The following STAM variants were observed in gnomAD, a reference collection of about 807,000 sequenced individuals.
STAM encodes the protein signal transducing adapter molecule 1.
A neutral mutation model predicts 63.4 loss-of-function variants in STAM; 16 were observed. The observed-to-expected ratio is 0.25, with a 90% CI of 0.17 to 0.38. The LOEUF (loss-of-function observed/expected upper bound fraction) is 0.38. Ranked by LOEUF, STAM falls within the 10% of genes least tolerant of loss-of-function variation. STAM has a pLI of 1.00. For synonymous variants in STAM, 238 were observed against 223.9 expected (o/e 1.06, Z -0.56); for missense variants, 636 against 657.1 (o/e 0.97, Z 0.35).
chr10:17,705,833 C>T (rs1389022642), intron 12 of STAM, 92 bp downstream of exon 12: 1 of 1,259,368 alleles, frequency 7.9e-7, no homozygotes, highest in Non-Finnish European at 1.1e-6. Context: ...TTTGGGAGGC[C>T]AAGGCAAGAG....
chr10:17,653,591 G>A (rs1488026994), intron 1 of STAM, among the ~76,000 whole-genome samples: 2 of 152,058 alleles, frequency 1.3e-5, no homozygotes, highest in African/African-American at 4.8e-5. Flanking sequence ...AAACAACAGT[G>A]GATCAAAACT....
intron 8 of STAM, among the ~76,000 whole-genome samples, chr10:17,699,044 C>T (rs1217699258): frequency 7.2e-5 from 11 of 152,038 alleles, no homozygotes; most frequent in Non-Finnish European, 1.2e-4. Context: ...GCACACAACA[C>T]GGAGTACCCA....
At position 17,659,567 on chromosome 10, in the gene STAM, C is replaced by A. The variant is rs568573933; in HGVS notation, c.41-897C>A. 5.5e-5 allele frequency among the ~76,000 whole-genome samples: 8 copies of A among 146,004 alleles called. No individual in the cohort carries two copies. In the South Asian group the frequency reaches 1.5e-3, roughly 28 times the overall value. ...AACTTCAGCCTCAACCTCTTGGGCT[C>A]AAGTGATCCTCCCACTTCAGCCTTC... On this transcript the variant is annotated intron_variant, in intron 1 of 13. Transcript: ENST00000377524.
chr10:17,700,109 A>G, intron 8 of STAM, 82 bp from the exon 9 acceptor site: 3 of 1,179,700 alleles, frequency 2.5e-6, no homozygotes, highest in African/African-American at 1.6e-5. Flanking sequence ...AAAATCCCCA[A>G]ATCTCTCTTG....
chr10:17,683,228 A>G (rs1554825656), intron 2 of STAM, among the ~76,000 whole-genome samples: 1 of 152,114 alleles, frequency 6.6e-6, no homozygotes, highest in Non-Finnish European at 1.5e-5. Context: ...CGGTGGTGCC[A>G]TCACAGCTCA....
chr10:17,686,046 T>C (rs545388049), intron 4 of STAM, among the ~76,000 whole-genome samples: 2 of 152,342 alleles, frequency 1.3e-5, no homozygotes, highest in East Asian at 3.9e-4. Flanking sequence ...TATAGAAATA[T>C]AGTAAGAATG....
chr10:17,688,030 C>G lies in STAM; in HGVS notation c.301C>G (p.His101Asp). The change falls in exon 5 of 14, where the codon CAT becomes GAT. Residue 101 changes from histidine to aspartate, a missense_variant. Around this residue, in one of 3 missense-constraint regions of STAM, gnomAD observed 532 missense variants for 536.9 expected, o/e 0.99. Coordinates refer to ENST00000377524, the MANE Select transcript of STAM (RefSeq NM_003473.4). ...TATTTCTTTTTCTATTTTACAGGGT[C>G]ATCCTAAAGTATGTGAAAAATTAAA... ...SEVSNVLNKG[H>D]PKVCEKLKAL... is the part of the protein sequence containing the mutation. The G allele has an allele frequency of 6.4e-7, 1 of 1,571,470 alleles. No individual in the cohort carries two copies. The highest frequency in any genetic ancestry group is 8.6e-7 in the Non-Finnish European group (1 of 1,163,054).
intron 6 of STAM, among the ~76,000 whole-genome samples, chr10:17,693,640 C>G (rs1286117573): frequency 3.3e-5 from 5 of 152,176 alleles, no homozygotes; most frequent in Admixed American, 3.3e-4. Flanking sequence ...TGTTTGAGAT[C>G]TATTCGTGTG....
intron 1 of STAM, among the ~76,000 whole-genome samples, chr10:17,655,061 G>T (rs1324431173): frequency 6.6e-6 from 1 of 151,824 alleles, no homozygotes; most frequent in Non-Finnish European, 1.5e-5. Context: ...TAAATACATC[G>T]GGAAGCCCTT....
At chr10:17,699,121 A>G (rs1281361050) in intron 8 of STAM, among the ~76,000 whole-genome samples, 1 of 152,224 alleles carries the variant, frequency 6.6e-6, no homozygotes, top group Non-Finnish European at 1.5e-5. Flanking sequence ...AGTATGGGCT[A>G]GTAGAGCAAG....
At chr10:17,696,506 C>T (rs1364318337) in intron 7 of STAM, 3 of 321,148 alleles carry the variant, frequency 9.3e-6, no homozygotes, top group African/African-American at 2.1e-5. Flanking sequence ...ACAATTTTTT[C>T]GTATTGGTGC....
chr10:17,687,674 G>T (rs1336434431), intron 4 of STAM, among the ~76,000 whole-genome samples: 1 of 152,148 alleles, frequency 6.6e-6, no homozygotes, highest in African/African-American at 2.4e-5. Flanking sequence ...TAAAGGAACT[G>T]TATCATTTAT....
intron 1 of STAM, among the ~76,000 whole-genome samples, chr10:17,648,210 C>T (rs1184345187): frequency 3.9e-5 from 6 of 152,168 alleles, no homozygotes; most frequent in South Asian, 2.1e-4. Flanking sequence ...GAGAACTTTT[C>T]GGTCTTACAA....
chr10:17,708,732 T>C (rs1479267272), intron 12 of STAM, 44 bp from the exon 13 acceptor site: 1 of 1,536,890 alleles, frequency 6.5e-7, no homozygotes, highest in East Asian at 2.3e-5. Context: ...AGTATGCTTA[T>C]TAAAATTTTA....
chr10:17,690,711 T>A (rs1835493360), intron 5 of STAM, among the ~76,000 whole-genome samples: 1 of 152,192 alleles, frequency 6.6e-6, no homozygotes, highest in Admixed American at 6.5e-5. Context: ...CTAAGTATAT[T>A]TTTTTCATCT....
rs1408099400 is a variant in STAM, at chr10:17,689,960, A to G, written c.444+1787A>G. Among the ~76,000 whole-genome samples the G allele has an allele frequency of 3.3e-5, 5 of 152,234 alleles. No individual in the cohort carries two copies. In the East Asian group the frequency reaches 9.6e-4, roughly 29 times the overall value. On this transcript the variant is annotated intron_variant, in intron 5 of 13. Transcript: ENST00000377524. ...AAGTGAAAACTGCGTTTCAGTCCAC[A>G]AAGGGACTTACTCTTGTAAGAAAAG...
intron 2 of STAM, among the ~76,000 whole-genome samples, chr10:17,670,296 C>T (rs1388298888): frequency 2.6e-5 from 4 of 152,190 alleles, no homozygotes; most frequent in Admixed American, 1.3e-4. Context: ...TTATAGAATT[C>T]TGATGACTGT....
At chr10:17,703,324 G>T (rs1156622056) in intron 9 of STAM, among the ~76,000 whole-genome samples, 1 of 150,418 alleles carries the variant, frequency 6.6e-6, no homozygotes, top group African/African-American at 2.4e-5. Flanking sequence ...ATTTTGACTT[G>T]GGAAGAGTTT....
chr10:17,650,406 T>C (rs1833690234), intron 1 of STAM, among the ~76,000 whole-genome samples: 1 of 152,254 alleles, frequency 6.6e-6, no homozygotes, highest in Admixed American at 6.5e-5. Flanking sequence ...GCTTCAAATA[T>C]CTCAAGTTCA....
Sources: allele counts gnomAD v4.1 joint callset (sites outside exome capture counted in the v4.1 genomes callset), GRCh38; gene constraint gnomAD v4.1.1; regional missense constraint gnomAD v4.1.1; transcripts MANE v1.5; gene names NCBI Gene and HGNC (gene_info 2026-07-23, HGNC 2026-07-21).